COX7B2: variants seen among roughly 807,000 people sequenced by gnomAD.
COX7B2 encodes the protein cytochrome c oxidase subunit 7B2.
For missense variants in COX7B2, 109 were observed against 95.9 expected (o/e 1.14, Z -0.57); for synonymous variants, 37 against 32.1 (o/e 1.15, Z -0.51).
intron 1 of COX7B2, among the ~76,000 whole-genome samples, chr4:46,861,247 G>A (rs1717317420): frequency 1.3e-5 from 2 of 152,128 alleles, no homozygotes; most frequent in Admixed American, 1.3e-4. Flanking sequence ...GGTGAATGCA[G>A]TTATCACTCC....
intron 2 of COX7B2, among the ~76,000 whole-genome samples, chr4:46,816,540 C>A (rs1038669109): frequency 6.6e-6 from 1 of 152,146 alleles, no homozygotes; most frequent in Non-Finnish European, 1.5e-5. Context: ...ATGTAATCAT[C>A]ATAAAATTAT....
At chr4:46,737,634 A>C (rs1224057871) in intron 2 of COX7B2, among the ~76,000 whole-genome samples, 1 of 152,166 alleles carries the variant, frequency 6.6e-6, no homozygotes, top group Non-Finnish European at 1.5e-5. Context: ...AAATTATTTT[A>C]TTTCTTAGAT....
chr4:46,794,358 C>A (rs1718211054), intron 2 of COX7B2, among the ~76,000 whole-genome samples: 1 of 151,966 alleles, frequency 6.6e-6, no homozygotes, highest in African/African-American at 2.4e-5. Flanking sequence ...AAAACACGGA[C>A]CAAAAGATGG....
chr4:46,833,877 T>C (rs1401651579), intron 2 of COX7B2, among the ~76,000 whole-genome samples: 3 of 152,038 alleles, frequency 2.0e-5, no homozygotes, highest in African/African-American at 7.2e-5. Context: ...GGTTGGCAAA[T>C]TGGAATTCTA....
At chr4:46,846,992 A>C (rs1716324547) in intron 1 of COX7B2, among the ~76,000 whole-genome samples, 1 of 152,060 alleles carries the variant, frequency 6.6e-6, no homozygotes, top group African/African-American at 2.4e-5. Context: ...GATCTATCCA[A>C]GAGGAACTAT....
intron 2 of COX7B2, among the ~76,000 whole-genome samples, chr4:46,781,613 T>C (rs1717449942): frequency 1.3e-5 from 2 of 152,180 alleles, no homozygotes; most frequent in South Asian, 4.1e-4. Flanking sequence ...CCCTGCACTG[T>C]GGGAGCCCCT....
chr4:46,753,291 A>C (rs1290857197), intron 2 of COX7B2, among the ~76,000 whole-genome samples: 4 of 151,792 alleles, frequency 2.6e-5, no homozygotes, highest in Non-Finnish European at 5.9e-5. Context: ...TATTGCATCT[A>C]TTTGATTTTT....
chr4:46,798,938 A>T lies in COX7B2; in HGVS notation c.-50+46022T>A, dbSNP rs28649107. Among the ~76,000 whole-genome samples, 348 of 152,046 alleles carry T rather than the reference A, an allele frequency of 2.3e-3. 3 individuals are homozygous for T. The highest frequency in any genetic ancestry group is 8.1e-3 in the African/African-American group (337 of 41,482). ...ACATCGTCAGATAACTTGCACTCAC[A>T]AGCTCTTTCAGCTCTAAGAGACCCC... is the stretch of plus-strand genomic sequence containing the variant. On this transcript the variant is annotated intron_variant, in intron 2 of 2. Transcript: ENST00000355591.
At chr4:46,803,608 A>G (rs1245910820) in intron 2 of COX7B2, among the ~76,000 whole-genome samples, 2 of 152,072 alleles carry the variant, frequency 1.3e-5, no homozygotes, top group Non-Finnish European at 2.9e-5. Flanking sequence ...TGTTTAGCAT[A>G]TATTTATAAA....
chr4:46,767,490 T>C (rs1023314142), intron 2 of COX7B2, among the ~76,000 whole-genome samples: 6 of 152,154 alleles, frequency 3.9e-5, no homozygotes, highest in African/African-American at 1.4e-4. Context: ...TTGAACAATA[T>C]TATAGACCAT....
rs397959996 is a variant in COX7B2, at chr4:46,819,539, TA to T, written c.-50+25420del. On this transcript the variant is annotated intron_variant, in intron 2 of 2. Transcript: ENST00000355591. ...CTAAAACTAACGATAGCTGATGAGC[TA>T]AAAAAAAAAAAAAAAAAAAATTCAG... Among the ~76,000 whole-genome samples, 869 of 112,250 alleles carry T rather than the reference TA, an allele frequency of 7.7e-3. 6 individuals are homozygous for T. The highest frequency in any genetic ancestry group is 0.013 in the South Asian group (46 of 3,438). The allele number at this position is 112,250 out of a possible 152,430, so 73.6% of individuals were successfully genotyped here.
At chr4:46,738,424 T>G (rs1196034555) in intron 2 of COX7B2, among the ~76,000 whole-genome samples, 1 of 152,104 alleles carries the variant, frequency 6.6e-6, no homozygotes, top group Non-Finnish European at 1.5e-5. Context: ...AATCCTTCCA[T>G]AGTTTGCAGT....
chr4:46,846,616 G>C (rs1040254625), intron 1 of COX7B2, among the ~76,000 whole-genome samples: 2 of 151,886 alleles, frequency 1.3e-5, no homozygotes, highest in African/African-American at 4.8e-5. Flanking sequence ...TACCTGAGCT[G>C]CTCAGAAAAC....
chr4:46,908,585 A>T (rs992981526), intron 1 of COX7B2, among the ~76,000 whole-genome samples: 6 of 152,148 alleles, frequency 3.9e-5, no homozygotes, highest in African/African-American at 1.4e-4. Flanking sequence ...CAGAAGATAC[A>T]ACTACACAAA....
intron 2 of COX7B2, among the ~76,000 whole-genome samples, chr4:46,827,639 G>A (rs998705508): frequency 1.3e-5 from 2 of 152,054 alleles, no homozygotes; most frequent in African/African-American, 4.8e-5. Context: ...TGCACTAAAA[G>A]GAAATGCTAA....
intron 1 of COX7B2, among the ~76,000 whole-genome samples, chr4:46,887,504 G>C (rs1278147211): frequency 6.6e-6 from 1 of 152,034 alleles, no homozygotes; most frequent in Non-Finnish European, 1.5e-5. Flanking sequence ...GAGGTCAGGA[G>C]ATCGAGACCA....
chr4:46,864,743 C>T (rs1316514449), intron 1 of COX7B2, among the ~76,000 whole-genome samples: 2 of 152,072 alleles, frequency 1.3e-5, no homozygotes, highest in Non-Finnish European at 2.9e-5. Context: ...CTCCCGGGTT[C>T]ACGCCATTCT....
At chr4:46,750,195 T>C (rs953421015) in intron 2 of COX7B2, among the ~76,000 whole-genome samples, 11 of 113,856 alleles carry the variant, frequency 9.7e-5, no homozygotes, top group Non-Finnish European at 1.8e-4. Flanking sequence ...ATCCCATCTC[T>C]ACACACACAC....
intron 2 of COX7B2, among the ~76,000 whole-genome samples, chr4:46,745,995 A>G (rs6838604): frequency 0.33 from 49,753 of 151,998 alleles, 8,409 homozygotes; most frequent in South Asian, 0.47. Flanking sequence ...AGAAAAGTAA[A>G]ATTTCTATGC....
Sources: allele counts gnomAD v4.1 joint callset (sites outside exome capture counted in the v4.1 genomes callset), GRCh38; gene constraint gnomAD v4.1.1; transcripts MANE v1.5; gene names NCBI Gene and HGNC (gene_info 2026-07-23, HGNC 2026-07-21).